DYNC1H1: variants seen among roughly 807,000 people sequenced by gnomAD.
DYNC1H1 encodes the protein cytoplasmic dynein 1 heavy chain 1.
In DYNC1H1, 51 loss-of-function variants were observed where a neutral mutation model predicts 527.1. The ratio of observed to expected loss-of-function variants is 0.10; its 90% CI spans 0.08 to 0.12. DYNC1H1 has a LOEUF of 0.12. Ranked by LOEUF, DYNC1H1 falls within the 10% of genes least tolerant of loss-of-function variation. DYNC1H1 has a pLI of 1.00. For synonymous variants in DYNC1H1, 2,189 were observed against 2,278.8 expected (o/e 0.96, Z 1.12); for missense variants, 2,771 against 5,971.8 (o/e 0.46, Z 17.66).
In DYNC1H1 at chr14:101,983,271, C is replaced by T; in HGVS notation, c.1214C>T (p.Ala405Val). The T allele has an allele frequency of 1.9e-6, 3 of 1,614,204 alleles. No individual in the cohort carries two copies. The highest frequency in any genetic ancestry group is 2.5e-6 in the Non-Finnish European group (3 of 1,180,038). The change falls in exon 6 of 78, where the codon GCT becomes GTT. Residue 405 changes from alanine to valine, a missense_variant. This residue lies in a region of DYNC1H1 where 264 missense variants were observed against 619.4 expected (regional missense o/e 0.43). Transcript: ENST00000360184. The surrounding 1 kb of genome is among the most constrained non-coding windows in gnomAD (Gnocchi z 5.3). ...GGCACTAGGAAATTGATGCATGTTG[C>T]TTATGAAGAATTTGAAAAAGTAAGT... Reference protein sequence around the residue: ...VLGTRKLMHVAYEEFEKVMVA... With the variant: ...VLGTRKLMHVVYEEFEKVMVA...
chr14:101,976,390 A>C (rs1008691448), intron 2 of DYNC1H1, among the ~76,000 whole-genome samples: 1 of 151,332 alleles, frequency 6.6e-6, no homozygotes, highest in African/African-American at 2.4e-5. Context: ...TAAAAATACA[A>C]AATTAGCCAG....
At chr14:102,003,703 G>T (rs1234415745) in intron 23 of DYNC1H1, among the ~76,000 whole-genome samples, 1 of 152,054 alleles carries the variant, frequency 6.6e-6, no homozygotes, top group Non-Finnish European at 1.5e-5. Context: ...GCCAAGGTGG[G>T]CAGATCACCT....
chr14:102,001,668 C>G lies in DYNC1H1; in HGVS notation c.4529C>G (p.Ser1510Cys). Residue 1510 changes from serine (S) to cysteine (C), a missense_variant, in exon 21 of 78, where the codon TCT (serine) becomes TGT (cysteine). Ser to Cys is a moderately radical substitution (Grantham distance 112). Transcript: ENST00000360184. The surrounding 1 kb of genome is among the most constrained non-coding windows in gnomAD (Gnocchi z 5.0). ...HINSVSAMKL[S>C]PYYKVFEEDA... ...AACAGCGTCTCGGCCATGAAGCTCT[C>G]TCCGTATTACAAGGTGCTGTTGCTG... 1 of 1,614,134 alleles carries G rather than the reference C, an allele frequency of 6.2e-7. No individual in the cohort carries two copies.
rs1157186575 is a variant in DYNC1H1, at chr14:102,041,622, G to A, written c.11990G>A (p.Arg3997Gln). Residue 3997 changes from arginine (R) to glutamine (Q), a missense_variant, in exon 65 of 78, where the codon CGG becomes CAG. By Grantham distance (43) the Arg-to-Gln change is conservative. This residue lies in a region of DYNC1H1 where 120 missense variants were observed against 161.9 expected (regional missense o/e 0.74). Coordinates refer to ENST00000360184, the MANE Select transcript of DYNC1H1 (RefSeq NM_001376.5). This position sits in a 1 kb window ranked among gnomAD's most constrained non-coding sequence, Gnocchi z 4.5. ...CGCCTGCTCCTGATCCAGGCTTTCCGGCCCGATCGCCTGTTGGCCATGGCC... is the reference window on the plus strand; with the variant it reads ...CGCCTGCTCCTGATCCAGGCTTTCCAGCCCGATCGCCTGTTGGCCATGGCC... ...IHRLLLIQAFRPDRLLAMAHM... is the reference protein window; with the variant it reads ...IHRLLLIQAFQPDRLLAMAHM... The A allele has an allele frequency of 3.1e-6, 5 of 1,614,158 alleles. No individual in the cohort carries two copies. The highest frequency in any genetic ancestry group is 4.2e-6 in the Non-Finnish European group (5 of 1,180,028).
Position 102,041,025 on chromosome 14 carries a change from G to C in DYNC1H1, c.11941+352G>C. On this transcript the variant is annotated intron_variant, in intron 64 of 77. Coordinates refer to ENST00000360184, the MANE Select transcript of DYNC1H1 (RefSeq NM_001376.5). The surrounding 1 kb of genome is among the most constrained non-coding windows in gnomAD (Gnocchi z 4.5). ...AAAACTTTTTAAGGAAACCACTTAGGGAGATCGCTTCTAGGTAGGTGTTGG... is the reference window on the plus strand; with the variant it reads ...AAAACTTTTTAAGGAAACCACTTAGCGAGATCGCTTCTAGGTAGGTGTTGG... 1 of 394,018 alleles carries C rather than the reference G, an allele frequency of 2.5e-6. No homozygotes were observed. The highest frequency in any genetic ancestry group is 4.8e-6 in the Non-Finnish European group (1 of 207,586). 24.4% of individuals were successfully genotyped at this position (394,018 alleles called of 1,614,324 possible). A position where few individuals can be genotyped will look rare whatever the true frequency, so the allele number is the denominator to read the frequency against.
In DYNC1H1 at chr14:102,049,481, G is replaced by A. The variant is rs199692678; in HGVS notation, c.13414G>A (p.Gly4472Ser). The A allele has an allele frequency of 2.2e-5, 35 of 1,614,208 alleles. No homozygotes were observed. The highest frequency in any genetic ancestry group is 4.5e-5 in the East Asian group (2 of 44,880). The change falls in exon 75 of 78, where the codon GGC becomes AGC. Residue 4472 changes from glycine to serine, a missense_variant. Physicochemically the swap from Gly to Ser is moderately conservative, Grantham distance 56. Coordinates refer to ENST00000360184, the MANE Select transcript of DYNC1H1 (RefSeq NM_001376.5). This position sits in a 1 kb window ranked among gnomAD's most constrained non-coding sequence, Gnocchi z 5.5. Reference protein sequence around the residue: ...RSWSHYTVPAGMTVIQWVSDF... With the variant: ...RSWSHYTVPASMTVIQWVSDF... ...CTGGTCCCACTACACGGTGCCTGCC[G>A]GCATGACCGTCATCCAGTGGGTGTC...
chr14:102,042,553 G>A lies in DYNC1H1; in HGVS notation c.12399+46G>A. On this transcript the variant is annotated intron_variant, in intron 68 of 77. Coordinates refer to ENST00000360184, the MANE Select transcript of DYNC1H1 (RefSeq NM_001376.5). The surrounding 1 kb of genome is among the most constrained non-coding windows in gnomAD (Gnocchi z 5.7). ...AGACGTTGCAGGCTGGCCTGGCACT[G>A]TGCTGTCGGCACGTGTGTGGTGGAA... is the stretch of plus-strand genomic sequence containing the variant. 5 of 1,613,808 alleles carry A rather than the reference G, an allele frequency of 3.1e-6. No homozygotes were observed. The highest frequency in any genetic ancestry group is 2.5e-6 in the Non-Finnish European group (3 of 1,179,918).
In DYNC1H1 at chr14:102,027,897, G is replaced by A. The variant is rs1482241110; in HGVS notation, c.9264-40G>A. ...GGTGTCCTTCCAAGGGACAAAGCCT[G>A]CCCCTCATAGCTGTCCTGAAACATG... On this transcript the variant is annotated intron_variant, in intron 47 of 77. Coordinates refer to ENST00000360184, the MANE Select transcript of DYNC1H1 (RefSeq NM_001376.5). The surrounding 1 kb of genome is among the most constrained non-coding windows in gnomAD (Gnocchi z 7.7). 2 of 1,614,204 alleles carry A rather than the reference G, an allele frequency of 1.2e-6. No homozygotes were observed. Among genetic ancestry groups the A allele is most frequent in the Middle Eastern group, 1.6e-4 (1 of 6,062 alleles).
intron 73 of DYNC1H1, chr14:102,048,240 T>A: frequency 1.4e-6 from 1 of 739,196 alleles, no homozygotes; most frequent in Non-Finnish European, 2.2e-6. Flanking sequence ...TAGAAGATTG[T>A]GAGATAGGCA....
At chr14:102,050,249 C>G (rs768740382) in intron 77 of DYNC1H1, 51 bp downstream of exon 77, 6 of 1,613,604 alleles carry the variant, frequency 3.7e-6, no homozygotes, top group Non-Finnish European at 5.1e-6. Flanking sequence ...CCTGCGGTAA[C>G]AAGGGCAGAG....
chr14:101,979,583 G>A lies in DYNC1H1; in HGVS notation c.518+91G>A, dbSNP rs1031443791. ...AAAACTTGGGAATTGGGAGGGTAACGCTAGTGAGCCGAGGGGATATAAACC... is the reference window on the plus strand; with the variant it reads ...AAAACTTGGGAATTGGGAGGGTAACACTAGTGAGCCGAGGGGATATAAACC... On this transcript the variant is annotated intron_variant, in intron 3 of 77. Transcript: ENST00000360184. The surrounding 1 kb of genome is among the most constrained non-coding windows in gnomAD (Gnocchi z 4.6). 8.2e-5 allele frequency: 132 copies of A among 1,606,254 alleles called. No individual in the cohort carries two copies. The highest frequency in any genetic ancestry group is 1.1e-4 in the East Asian group (5 of 44,852).
rs775618965 is a variant in DYNC1H1, at chr14:102,039,423, G to A, written c.11472G>A (p.Leu3824=). The A allele has an allele frequency of 2.0e-5, 33 of 1,614,226 alleles. No individual in the cohort carries two copies. Among genetic ancestry groups the A allele is most frequent in the Non-Finnish European group, 2.8e-5 (33 of 1,180,056 alleles). ...CTGCTTCCTTTCAGATACACTTCTT[G>A]TACCAGTACTCCCTCCAGTTTTTCC... is the stretch of plus-strand genomic sequence containing the variant. ...TMESLKQIHF[L]YQYSLQFFLD... Residue 3824 remains leucine, a synonymous_variant, in exon 61 of 78, where the codon TTG becomes TTA. Transcript: ENST00000360184. This position sits in a 1 kb window ranked among gnomAD's most constrained non-coding sequence, Gnocchi z 7.0.
Position 101,980,116 on chromosome 14 carries a change from C to T in DYNC1H1, c.774+142C>T, listed in dbSNP as rs1258727872. The T allele has an allele frequency of 2.2e-6, 3 of 1,346,694 alleles. No individual in the cohort carries two copies. The Admixed American group carries it at 5.9e-5, about 26-fold the overall frequency. 83.4% of individuals were successfully genotyped at this position (1,346,694 alleles called of 1,614,324 possible). ...CTCTTGGTCCTGGGACTGTCCAGTG[C>T]AGGACTAGCCTTGGTCTGGGTGGAA... On this transcript the variant is annotated intron_variant, in intron 4 of 77. Coordinates refer to ENST00000360184, the MANE Select transcript of DYNC1H1 (RefSeq NM_001376.5).
Position 102,002,885 on chromosome 14 carries a change from G to A in DYNC1H1, c.4803G>A (p.Leu1601=). 6.2e-7 allele frequency: 1 copy of A among 1,614,252 alleles called. No individual in the cohort carries two copies. The highest frequency in any genetic ancestry group is 8.5e-7 in the Non-Finnish European group (1 of 1,180,036). The change falls in exon 23 of 78, where the codon CTG becomes CTA. Residue 1601 remains leucine (L), a synonymous_variant. Coordinates refer to ENST00000360184, the MANE Select transcript of DYNC1H1 (RefSeq NM_001376.5). This position sits in a 1 kb window ranked among gnomAD's most constrained non-coding sequence, Gnocchi z 4.4. ...VLNIQGVQRS[L]ERLADLLGKI... Reference sequence around the variant, plus strand: ...ACATCCAGGGAGTACAGAGGTCTCTGGAAAGATTGGCAGACCTGCTAGGAA... The same window carrying A: ...ACATCCAGGGAGTACAGAGGTCTCTAGAAAGATTGGCAGACCTGCTAGGAA...
At position 101,983,124 on chromosome 14, in the gene DYNC1H1, C is replaced by T; in HGVS notation, c.1067C>T (p.Ala356Val). 6.2e-7 allele frequency: 1 copy of T among 1,614,154 alleles called. No individual in the cohort carries two copies. The highest frequency in any genetic ancestry group is 8.5e-7 in the Non-Finnish European group (1 of 1,180,036). ...SATELDKIRQALVAIFTHLRK... is the reference protein window; with the variant it reads ...SATELDKIRQVLVAIFTHLRK... ...ACGGAGCTGGACAAAATAAGACAGG[C>T]GCTTGTTGCCATTTTCACACATTTG... is the stretch of plus-strand genomic sequence containing the variant. The change falls in exon 6 of 78, where the codon GCG becomes GTG. Residue 356 changes from alanine to valine, a missense_variant. By Grantham distance (64) the Ala-to-Val change is moderately conservative. This residue lies in a region of DYNC1H1 where 264 missense variants were observed against 619.4 expected (regional missense o/e 0.43). Transcript: ENST00000360184. This position sits in a 1 kb window ranked among gnomAD's most constrained non-coding sequence, Gnocchi z 5.3.
Position 102,036,738 on chromosome 14 carries a change from T to G in DYNC1H1, c.10908+96T>G, listed in dbSNP as rs1029142055. ...GTTTTCAACTTTGTAAGACTTCATT[T>G]TGTATCAGAAGGATAAAGCTTTGCG... On this transcript the variant is annotated intron_variant, in intron 57 of 77. Transcript: ENST00000360184. The surrounding 1 kb of genome is among the most constrained non-coding windows in gnomAD (Gnocchi z 5.6). 12 of 1,470,534 alleles carry G rather than the reference T, an allele frequency of 8.2e-6. No homozygotes were observed. The African/African-American group carries it at 1.1e-4, about 14-fold the overall frequency. 91.1% of individuals were successfully genotyped at this position (1,470,534 alleles called of 1,614,324 possible). A position where few individuals can be genotyped will look rare whatever the true frequency, so the allele number is the denominator to read the frequency against.
intron 5 of DYNC1H1, among the ~76,000 whole-genome samples, chr14:101,981,150 A>G (rs929658146): frequency 1.3e-5 from 2 of 151,756 alleles, no homozygotes; most frequent in Non-Finnish European, 2.9e-5. Flanking sequence ...AAGAGATGGG[A>G]TCTCACTTTG....
At chr14:101,991,946 C>T (rs946774020) in intron 11 of DYNC1H1, among the ~76,000 whole-genome samples, 13 of 145,004 alleles carry the variant, frequency 9.0e-5, no homozygotes, top group African/African-American at 3.0e-4. Flanking sequence ...CTCCTCCCCA[C>T]CCCCCACTTT....
intron 16 of DYNC1H1, among the ~76,000 whole-genome samples, chr14:101,999,129 A>G (rs1315341024): frequency 2.0e-5 from 3 of 151,646 alleles, no homozygotes; most frequent in South Asian, 2.1e-4. Context: ...TGATCTGCCC[A>G]CCTTGGCCTC....
Sources: allele counts gnomAD v4.1 joint callset (sites outside exome capture counted in the v4.1 genomes callset), GRCh38; gene constraint gnomAD v4.1.1; regional missense constraint gnomAD v4.1.1; non-coding constraint Gnocchi (gnomAD v3.1); transcripts MANE v1.5; gene names NCBI Gene and HGNC (gene_info 2026-07-23, HGNC 2026-07-21).